The following DLG2 variants were observed in gnomAD, a reference collection of about 807,000 sequenced individuals.
DLG2 encodes disks large homolog 2.
In DLG2, 45 loss-of-function variants were observed where a neutral mutation model predicts 132.5. The ratio of observed to expected loss-of-function variants is 0.34; its 90% CI spans 0.27 to 0.44. The LOEUF is 0.44. Ranked by LOEUF, DLG2 falls within the 20% of genes least tolerant of loss-of-function variation. The probability of loss-of-function intolerance (pLI) is 1.00; values close to 1 mark genes in which losing one functional copy is unlikely to be tolerated. For synonymous variants in DLG2, 424 were observed against 419.6 expected (o/e 1.01, Z -0.13); for missense variants, 1,045 against 1,196.9 (o/e 0.87, Z 1.87).
chr11:85,380,491 C>A (rs1418232288), intron 3 of DLG2, among the ~76,000 whole-genome samples: 2 of 152,258 alleles, frequency 1.3e-5, no homozygotes, highest in East Asian at 3.9e-4. Context: ...GAAACCCTGT[C>A]TCTACTAAAA....
At position 84,192,733 on chromosome 11, in the gene DLG2, A is replaced by C. The variant is rs1597119505; in HGVS notation, c.574-29222T>G. ...CGACAGGGCGAGACTCCATCTCAAA[A>C]AATAAAAAAATAAAAAAATAAAAGA... On this transcript the variant is annotated intron_variant, in intron 8 of 27. Transcript: ENST00000376104. Among the ~76,000 whole-genome samples the C allele has an allele frequency of 2.6e-5, 4 of 151,032 alleles. No individual in the cohort carries two copies. The South Asian group carries it at 8.4e-4, about 32-fold the overall frequency.
rs73515153 is a variant in DLG2, at chr11:83,824,747, C to A, written c.1722+8867G>T. Among the ~76,000 whole-genome samples, 14 of 152,098 alleles carry A rather than the reference C, an allele frequency of 9.2e-5. No individual in the cohort carries two copies. In the East Asian group the frequency reaches 2.1e-3, roughly 23 times the overall value. The stretch of plus-strand genomic sequence containing the variant: ...ATACACAGTTTTGGAAGTACCACTG[C>A]GAGAAAAGCTGGTGTTTTACTGGTG... On this transcript the variant is annotated intron_variant, in intron 17 of 27. Transcript: ENST00000376104.
chr11:84,050,709 G>A (rs2096356458), intron 11 of DLG2, among the ~76,000 whole-genome samples: 1 of 151,950 alleles, frequency 6.6e-6, no homozygotes, highest in African/African-American at 2.4e-5. Flanking sequence ...GTGTAAGGAA[G>A]GGATCCAGTT....
chr11:85,530,941 G>A (rs1440022718), intron 3 of DLG2, among the ~76,000 whole-genome samples: 1 of 152,206 alleles, frequency 6.6e-6, no homozygotes, highest in East Asian at 1.9e-4. Flanking sequence ...AACTTGAGCA[G>A]GAAGAGTTAG....
intron 3 of DLG2, among the ~76,000 whole-genome samples, chr11:85,585,657 A>C (rs2078916596): frequency 6.6e-6 from 1 of 151,490 alleles, no homozygotes; most frequent in Non-Finnish European, 1.5e-5. Context: ...CTTTTTCTCC[A>C]TCTATTGAGA....
chr11:84,906,231 G>GT (rs202160051), intron 6 of DLG2, among the ~76,000 whole-genome samples: 26 of 116,320 alleles, frequency 2.2e-4, no homozygotes, highest in South Asian at 6.7e-4. Flanking sequence ...ACAAGTTTTG[G>GT]TTTTTTTGTT....
At chr11:85,199,385 G>A (rs893486231) in intron 4 of DLG2, among the ~76,000 whole-genome samples, 1 of 152,148 alleles carries the variant, frequency 6.6e-6, no homozygotes, top group East Asian at 1.9e-4. Context: ...AAAAGTCTAA[G>A]GAATAATGTG....
At chr11:84,526,753 GTT>G (rs1211897537) in intron 7 of DLG2, among the ~76,000 whole-genome samples, 1 of 148,516 alleles carries the variant, frequency 6.7e-6, no homozygotes, top group East Asian at 2.0e-4. Flanking sequence ...ACTATCTGCA[GTT>G]TCATGCATCC....
At chr11:85,359,568 T>C (rs1164804411) in intron 3 of DLG2, among the ~76,000 whole-genome samples, 2 of 152,334 alleles carry the variant, frequency 1.3e-5, no homozygotes, top group Middle Eastern at 3.4e-3. Context: ...CAATAAGACA[T>C]GGCTCTTGCC....
intron 2 of DLG2, among the ~76,000 whole-genome samples, chr11:85,602,247 A>T (rs768341559): frequency 1.3e-5 from 2 of 152,124 alleles, no homozygotes; most frequent in Non-Finnish European, 2.9e-5. Flanking sequence ...TCCAACATCA[A>T]ATTATATGCA....
At chr11:84,872,912 G>A (rs2085704048) in intron 6 of DLG2, among the ~76,000 whole-genome samples, 1 of 152,248 alleles carries the variant, frequency 6.6e-6, no homozygotes, top group Non-Finnish European at 1.5e-5. Flanking sequence ...CTTAAGTGAG[G>A]CACCAAAGAG....
At chr11:84,811,137 A>T (rs868804293) in intron 6 of DLG2, among the ~76,000 whole-genome samples, 24 of 152,300 alleles carry the variant, frequency 1.6e-4, no homozygotes, top group African/African-American at 4.1e-4. Context: ...TAGGTATCTC[A>T]AAATAAACTT....
chr11:84,395,040 T>A (rs1435119682), intron 7 of DLG2, among the ~76,000 whole-genome samples: 1 of 152,236 alleles, frequency 6.6e-6, no homozygotes, highest in Non-Finnish European at 1.5e-5. Flanking sequence ...ATTTCCCATC[T>A]TTTTGCCTCT....
chr11:84,583,308 T>C (rs1266838406), intron 6 of DLG2, among the ~76,000 whole-genome samples: 1 of 152,188 alleles, frequency 6.6e-6, no homozygotes, highest in East Asian at 1.9e-4. Flanking sequence ...TTTAAAAGCA[T>C]CTGCTGTCAC....
chr11:85,594,988 C>CTG (rs2079633054), intron 3 of DLG2, among the ~76,000 whole-genome samples: 1 of 149,808 alleles, frequency 6.7e-6, no homozygotes, highest in African/African-American at 2.5e-5. Flanking sequence ...ATCGCTTGAA[C>CTG]CAGGAGGCAG....
At chr11:84,644,664 C>T (rs946399577) in intron 6 of DLG2, among the ~76,000 whole-genome samples, 2 of 150,666 alleles carry the variant, frequency 1.3e-5, no homozygotes, top group African/African-American at 4.9e-5. Context: ...TGAGATCGTG[C>T]CACTGCACTC....
chr11:84,487,016 G>C (rs1230731618), intron 7 of DLG2, among the ~76,000 whole-genome samples: 2 of 152,104 alleles, frequency 1.3e-5, no homozygotes, highest in Non-Finnish European at 2.9e-5. Flanking sequence ...AATTGGAAGT[G>C]AGTGTAATAG....
chr11:83,692,909 T>C (rs1315893354), intron 18 of DLG2: 1 of 152,134 alleles, frequency 6.6e-6, no homozygotes, highest in East Asian at 1.9e-4. Flanking sequence ...CAAGCCTTCA[T>C]GTTATTTCCC....
chr11:85,377,526 ATGAATCAACAAATATTT>A (rs1026634518), intron 3 of DLG2, among the ~76,000 whole-genome samples: 1 of 152,132 alleles, frequency 6.6e-6, no homozygotes, highest in African/African-American at 2.4e-5. Flanking sequence ...AAAATAACCC[ATGAATCAACAAATATTT>A]ATAAAGCTTT....
Sources: gnomAD v4.1 joint callset for allele counts (sites outside exome capture counted in the v4.1 genomes callset) on GRCh38, gnomAD v4.1.1 for gene constraint, MANE v1.5 for transcripts, NCBI Gene and HGNC (gene_info 2026-07-23, HGNC 2026-07-21) for gene names.